Variants in CPM observed in about 807,000 individuals in gnomAD.
CPM encodes carboxypeptidase M.
Under a neutral mutation model 46.4 loss-of-function variants are expected in CPM, and 35 were observed. The observed-to-expected ratio is 0.75, with a 90% confidence interval of 0.58 to 1.00. The LOEUF (loss-of-function observed/expected upper bound fraction) is 1.00, where lower values mean the gene tolerates loss of function less well. CPM is among the 50% of genes least tolerant of loss of function. The pLI is 0.00. For missense variants in CPM, 422 were observed against 530.4 expected (o/e 0.80, Z 2.01); for synonymous variants, 195 against 195.3 (o/e 1.00, Z 0.01).
chr12:68,877,528 A>G (rs1427158867), intron 3 of CPM, among the ~76,000 whole-genome samples: 8 of 152,216 alleles, frequency 5.3e-5, no homozygotes, highest in African/African-American at 1.9e-4. Context: ...CAGGCTAACA[A>G]TTACGCTCAT....
At chr12:68,889,323 C>A (rs1191009112) in intron 2 of CPM, among the ~76,000 whole-genome samples, 2 of 152,076 alleles carry the variant, frequency 1.3e-5, no homozygotes, top group African/African-American at 2.4e-5. Flanking sequence ...GAATGCACTA[C>A]CATTTATTCA....
At chr12:68,923,439 T>A (rs1175770716) in intron 2 of CPM, among the ~76,000 whole-genome samples, 2 of 152,160 alleles carry the variant, frequency 1.3e-5, no homozygotes, top group Non-Finnish European at 2.9e-5. Flanking sequence ...ACCTTTTGGA[T>A]GCTGGCCACA....
intron 5 of CPM, chr12:68,844,795 C>G (rs1364534182): frequency 5.0e-6 from 1 of 200,994 alleles, no homozygotes; most frequent in Non-Finnish European, 1.0e-5. Flanking sequence ...GAGACGGAGT[C>G]TTGCTCTGTG....
chr12:68,849,421 CGTTT>C (rs1283345560), downstream of CPM: 24 of 137,364 alleles, frequency 1.7e-4, no homozygotes, highest in African/African-American at 4.6e-4. Context: ...GTTGTTTGTT[CGTTT>C]GTTTGTTTTG....
chr12:68,958,803 A>G (rs1337071271), intron 1 of CPM, among the ~76,000 whole-genome samples: 1 of 152,158 alleles, frequency 6.6e-6, no homozygotes, highest in African/African-American at 2.4e-5. Context: ...CTGAGACGCT[A>G]TATGAACTAT....
At position 68,852,162 on chromosome 12, in the gene CPM, T is replaced by C. The variant is rs1481501055; in HGVS notation, c.*4275A>G. 6.6e-6 allele frequency: 1 copy of C among 152,232 alleles called. No homozygotes were observed. The allele number at this position is 152,232 out of a possible 1,614,324, so 9.4% of individuals were successfully genotyped here. A position where few individuals can be genotyped will look rare whatever the true frequency, so the allele number is the denominator to read the frequency against. ...TTCTTGGAAAGACTTTTGGAAATGT[T>C]GAGAAAAAGCTTTTAACATTTCAGA... On this transcript the variant is annotated 3_prime_UTR_variant, in exon 9 of 9. Coordinates refer to ENST00000551568, the MANE Select transcript of CPM (RefSeq NM_198320.5).
intron 2 of CPM, among the ~76,000 whole-genome samples, chr12:68,914,247 GC>G (rs772077054): frequency 6.6e-6 from 1 of 152,058 alleles, no homozygotes; most frequent in Non-Finnish European, 1.5e-5. Flanking sequence ...GAAGACCTCT[GC>G]CCCGCCCCCA....
Position 68,854,468 on chromosome 12 carries a change from G to C in CPM, c.*1969C>G, listed in dbSNP as rs952655931. 2 of 152,212 alleles carry C rather than the reference G, an allele frequency of 1.3e-5. No homozygotes were observed. The highest frequency in any genetic ancestry group is 3.8e-4 in the East Asian group (2 of 5,202). The allele number at this position is 152,212 out of a possible 1,614,324, so 9.4% of individuals were successfully genotyped here. On this transcript the variant is annotated 3_prime_UTR_variant, in exon 9 of 9. Coordinates refer to ENST00000551568, the MANE Select transcript of CPM (RefSeq NM_198320.5). The stretch of plus-strand genomic sequence containing the variant: ...AGAGATAACCAGTTTATTTTGGGGA[G>C]CAAAGAGAAAGGGTCCCTAACCCCA...
At chr12:68,893,314 G>A (rs1406356757) in intron 2 of CPM, among the ~76,000 whole-genome samples, 1 of 152,156 alleles carries the variant, frequency 6.6e-6, no homozygotes, top group Non-Finnish European at 1.5e-5. Context: ...GTTTGGGCCA[G>A]TCCACATGAA....
At chr12:68,884,251 G>A (rs943616285) in intron 3 of CPM, among the ~76,000 whole-genome samples, 1 of 152,040 alleles carries the variant, frequency 6.6e-6, no homozygotes, top group African/African-American at 2.4e-5. Context: ...ACTTTGGTCA[G>A]ACTCCTTGCA....
chr12:68,942,663 A>C (rs1888783093), intron 1 of CPM, among the ~76,000 whole-genome samples: 1 of 152,234 alleles, frequency 6.6e-6, no homozygotes, highest in Non-Finnish European at 1.5e-5. Flanking sequence ...TAGGTAGCTT[A>C]CATTCTACAA....
chr12:68,917,990 C>T (rs894552242), intron 2 of CPM, among the ~76,000 whole-genome samples: 1 of 152,186 alleles, frequency 6.6e-6, no homozygotes, highest in African/African-American at 2.4e-5. Context: ...ATATCTGTAT[C>T]CTGCTGTTCC....
chr12:68,904,811 T>G (rs1477500602), intron 2 of CPM, among the ~76,000 whole-genome samples: 1 of 152,244 alleles, frequency 6.6e-6, no homozygotes, highest in African/African-American at 2.4e-5. Flanking sequence ...ATCCTCATAG[T>G]GATTCAGTCA....
chr12:68,853,069 T>G lies in CPM; in HGVS notation c.*3368A>C, dbSNP rs1351906901. On this transcript the variant is annotated 3_prime_UTR_variant, in exon 9 of 9. Transcript: ENST00000551568. ...TTGACCACAGTTAGAATATCATGATTGTGTTTTGTTAGTCTTTAAATGATT... is the reference window on the plus strand; with the variant it reads ...TTGACCACAGTTAGAATATCATGATGGTGTTTTGTTAGTCTTTAAATGATT... 1 of 152,212 alleles carries G rather than the reference T, an allele frequency of 6.6e-6. No homozygotes were observed. The highest frequency in any genetic ancestry group is 1.5e-5 in the Non-Finnish European group (1 of 68,028). The allele number at this position is 152,212 out of a possible 1,614,324, so 9.4% of individuals were successfully genotyped here.
At position 68,873,943 on chromosome 12, in the gene CPM, T is replaced by C. The variant is rs111980095; in HGVS notation, c.259-1987A>G. 4.0e-3 allele frequency among the ~76,000 whole-genome samples: 615 copies of C among 152,012 alleles called. 4 individuals are homozygous for C. Among genetic ancestry groups the C allele is most frequent in the African/African-American group, 0.014 (569 of 41,518 alleles). Reference sequence around the variant, plus strand: ...GCCTCACCCTCCCAAGTAGCTGAGATTACAGGTGCCCACCAGCATGTCTGG... The same window carrying C: ...GCCTCACCCTCCCAAGTAGCTGAGACTACAGGTGCCCACCAGCATGTCTGG... On this transcript the variant is annotated intron_variant, in intron 3 of 8. Transcript: ENST00000551568.
intron 2 of CPM, among the ~76,000 whole-genome samples, chr12:68,918,731 C>T (rs1306404822): frequency 2.0e-5 from 3 of 152,124 alleles, no homozygotes; most frequent in African/African-American, 4.8e-5. Flanking sequence ...CCATTCCTAA[C>T]AGAGCATCTT....
intron 2 of CPM, among the ~76,000 whole-genome samples, chr12:68,921,769 G>C (rs1256694158): frequency 6.6e-6 from 1 of 151,950 alleles, no homozygotes; most frequent in Non-Finnish European, 1.5e-5. Flanking sequence ...AGAAAACAAT[G>C]TCATTTTCTT....
At chr12:68,876,628 G>C (rs57908763) in intron 3 of CPM, among the ~76,000 whole-genome samples, 17 of 152,198 alleles carry the variant, frequency 1.1e-4, no homozygotes, top group African/African-American at 4.1e-4. Flanking sequence ...GAAGAAACGG[G>C]GGCCTGATGG....
intron 7 of CPM, among the ~76,000 whole-genome samples, chr12:68,861,235 G>C (rs1885198191): frequency 6.6e-6 from 1 of 152,080 alleles, no homozygotes; most frequent in South Asian, 2.1e-4. Context: ...TGGTGTGGCG[G>C]GGGGAGAATA....
Sources: allele counts gnomAD v4.1 joint callset (sites outside exome capture counted in the v4.1 genomes callset), GRCh38; gene constraint gnomAD v4.1.1; transcripts MANE v1.5; gene names NCBI Gene and HGNC (gene_info 2026-07-23, HGNC 2026-07-21).